The following LRRC72 variants were observed in gnomAD, a reference collection of about 807,000 sequenced individuals.
LRRC72 encodes leucine-rich repeat-containing protein 72.
LRRC72 carries 41 observed loss-of-function variants against 35.8 expected under a neutral mutation model. The observed-to-expected ratio is 1.15, with a 90% CI of 0.89 to 1.49. The LOEUF (loss-of-function observed/expected upper bound fraction) is 1.49. Among genes scored for constraint, LRRC72 ranks in the 40% most tolerant of loss-of-function variants. LRRC72 has a pLI of 0.00. For missense variants in LRRC72, 389 were observed against 330.7 expected (o/e 1.18, Z -1.37); for synonymous variants, 118 against 119.2 (o/e 0.99, Z 0.07).
chr7:16,566,338 A>G lies in LRRC72; in HGVS notation c.453A>G (p.Gln151=). 1.3e-6 allele frequency: 2 copies of G among 1,544,146 alleles called. No homozygotes were observed. Among genetic ancestry groups the G allele is most frequent in the Admixed American group, 2.0e-5 (1 of 49,856 alleles). The change falls in exon 6 of 9, where the codon CAA becomes CAG. Residue 151 remains glutamine (Q), a synonymous_variant. Transcript: ENST00000401542. ...GTCTATACCAAAATCCTTTGTGCCA[A>G]TATAACCTGTATCGTTTATATATCA... ...ILSLYQNPLC[Q]YNLYRLYIIY... is the part of the protein sequence containing the mutation.
chr7:16,545,596 C>G (rs929333706), intron 3 of LRRC72, among the ~76,000 whole-genome samples: 1 of 151,944 alleles, frequency 6.6e-6, no homozygotes, highest in African/African-American at 2.4e-5. Context: ...AATGTAAGAG[C>G]TATTAAAAAA....
intron 3 of LRRC72, among the ~76,000 whole-genome samples, chr7:16,555,002 G>C (rs552232241): frequency 1.3e-5 from 2 of 152,298 alleles, no homozygotes; most frequent in East Asian, 3.9e-4. Flanking sequence ...GCAGGGAGTG[G>C]TGAGAGGAAG....
At chr7:16,556,372 A>T (rs1782650681) in intron 3 of LRRC72, among the ~76,000 whole-genome samples, 1 of 152,208 alleles carries the variant, frequency 6.6e-6, no homozygotes, top group South Asian at 2.1e-4. Flanking sequence ...TAACTGTACA[A>T]GTCAAAGTAA....
intron 3 of LRRC72, among the ~76,000 whole-genome samples, chr7:16,556,244 G>C (rs1782648537): frequency 6.6e-6 from 1 of 152,262 alleles, no homozygotes; most frequent in African/African-American, 2.4e-5. Flanking sequence ...AACCTTAAAA[G>C]TAAGATGCGA....
chr7:16,531,306 C>T (rs765069014), intron 1 of LRRC72, among the ~76,000 whole-genome samples: 7 of 152,232 alleles, frequency 4.6e-5, no homozygotes, highest in Admixed American at 3.9e-4. Flanking sequence ...ACAAAGCACC[C>T]TGATGGCAAT....
At chr7:16,565,430 A>C (rs80165827) in intron 5 of LRRC72, among the ~76,000 whole-genome samples, 1 of 80,784 alleles carries the variant, frequency 1.2e-5, no homozygotes, top group East Asian at 4.6e-4. Flanking sequence ...AGACTCTGTC[A>C]AAAAAAAAAA....
In LRRC72 at chr7:16,526,836, A is replaced by C; in HGVS notation, c.-117A>C. 1 of 792,762 alleles carries C rather than the reference A, an allele frequency of 1.3e-6. No homozygotes were observed. The highest frequency in any genetic ancestry group is 2.1e-6 in the Non-Finnish European group (1 of 479,298). The allele number at this position is 792,762 out of a possible 1,614,324, so 49.1% of individuals were successfully genotyped here. ...GTGGACTGGCTTTTAGTCAACGGGA[A>C]TGCGGTAACTGTTGGTAACAGAACA... On this transcript the variant is annotated 5_prime_UTR_variant, in exon 1 of 9. An upstream start codon of the reference 5' UTR is lost. Coordinates refer to ENST00000401542, the MANE Select transcript of LRRC72 (RefSeq NM_001195280.2).
intron 1 of LRRC72, among the ~76,000 whole-genome samples, chr7:16,527,648 A>G (rs1226296009): frequency 2.6e-5 from 4 of 152,128 alleles, no homozygotes; most frequent in African/African-American, 4.8e-5. Context: ...GAATTGTGCC[A>G]GGTAAGACCT....
At chr7:16,529,736 T>G (rs536108629) in intron 1 of LRRC72, among the ~76,000 whole-genome samples, 13 of 152,368 alleles carry the variant, frequency 8.5e-5, no homozygotes, top group African/African-American at 3.1e-4. Flanking sequence ...ATTATGATAG[T>G]GATTTACATA....
chr7:16,541,944 G>GACAGACAC (rs1554393676), intron 3 of LRRC72, among the ~76,000 whole-genome samples: 1 of 149,364 alleles, frequency 6.7e-6, no homozygotes, highest in African/African-American at 2.5e-5. Flanking sequence ...CAGACAGACA[G>GACAGACAC]ACACACACAC....
chr7:16,557,447 T>G lies in LRRC72; in HGVS notation c.316+6T>G. On this transcript the variant is annotated splice_donor_region_variant and intron_variant, in intron 4 of 8. Coordinates refer to ENST00000401542, the MANE Select transcript of LRRC72 (RefSeq NM_001195280.2). ...TGCAATATTTGAGATAGAAGGTACGTCTTAAATTCTCTGTTGATTTAATAA... is the reference window on the plus strand; with the variant it reads ...TGCAATATTTGAGATAGAAGGTACGGCTTAAATTCTCTGTTGATTTAATAA... 1 of 1,118,338 alleles carries G rather than the reference T, an allele frequency of 8.9e-7. No homozygotes were observed. Among genetic ancestry groups the G allele is most frequent in the South Asian group, 2.7e-5 (1 of 36,634 alleles). 69.3% of individuals were successfully genotyped at this position (1,118,338 alleles called of 1,614,324 possible). A position where few individuals can be genotyped will look rare whatever the true frequency, so the allele number is the denominator to read the frequency against.
chr7:16,541,694 A>G (rs1391289066), intron 3 of LRRC72, among the ~76,000 whole-genome samples: 3 of 152,228 alleles, frequency 2.0e-5, no homozygotes, highest in Non-Finnish European at 4.4e-5. Context: ...CGAATGGATC[A>G]CAATGTCAGC....
chr7:16,573,334 C>T (rs1265185117), intron 7 of LRRC72, among the ~76,000 whole-genome samples: 1 of 152,198 alleles, frequency 6.6e-6, no homozygotes, highest in African/African-American at 2.4e-5. Context: ...AAAAAAGAGC[C>T]TGTATAGCCA....
At chr7:16,581,303 A>G (rs562687) in intron 8 of LRRC72, 21 bp from the exon 9 acceptor site, 486,074 of 1,403,796 alleles carry the variant, frequency 0.35, 90,800 homozygotes, top group African/African-American at 0.65. Context: ...TTTTTCTGAC[A>G]TAATTGCTTT....
intron 5 of LRRC72, among the ~76,000 whole-genome samples, chr7:16,560,697 T>A (rs1336066769): frequency 6.6e-6 from 1 of 151,942 alleles, no homozygotes; most frequent in African/African-American, 2.4e-5. Flanking sequence ...TTTTTTTTTT[T>A]AAGAAAACGT....
At chr7:16,577,264 T>C (rs1201238547) in intron 7 of LRRC72, among the ~76,000 whole-genome samples, 2 of 152,136 alleles carry the variant, frequency 1.3e-5, no homozygotes, top group African/African-American at 4.8e-5. Flanking sequence ...ATAACTCCAG[T>C]GGACACTCTT....
chr7:16,571,904 G>A (rs766503320), intron 7 of LRRC72, among the ~76,000 whole-genome samples: 6 of 152,166 alleles, frequency 3.9e-5, no homozygotes, highest in African/African-American at 7.2e-5. Context: ...CTAGCTCAGC[G>A]GATCCCACCC....
intron 6 of LRRC72, 77 bp from the exon 7 acceptor site, chr7:16,567,314 A>G (rs2128338264): frequency 1.9e-6 from 2 of 1,026,818 alleles, no homozygotes; most frequent in South Asian, 5.3e-5. Flanking sequence ...TACATTCTTG[A>G]AAGTGTTCAG....
At chr7:16,579,218 C>G (rs541080680) in intron 7 of LRRC72, among the ~76,000 whole-genome samples, 1 of 152,128 alleles carries the variant, frequency 6.6e-6, no homozygotes, top group Admixed American at 6.6e-5. Flanking sequence ...AACATCAAGT[C>G]GTACACCTTA....
Sources: allele counts gnomAD v4.1 joint callset (sites outside exome capture counted in the v4.1 genomes callset), GRCh38; gene constraint gnomAD v4.1.1; transcripts MANE v1.5; gene names NCBI Gene and HGNC (gene_info 2026-07-23, HGNC 2026-07-21).